ANAPC16: variants seen among roughly 807,000 people sequenced by gnomAD.
The protein encoded by ANAPC16 is anaphase-promoting complex subunit 16.
In ANAPC16, 6 loss-of-function variants were observed where a neutral mutation model predicts 13.1. The observed-to-expected ratio is 0.46, with a 90% CI of 0.25 to 0.90. The LOEUF (loss-of-function observed/expected upper bound fraction) is 0.90, where lower values mean the gene tolerates loss of function less well. Among genes scored for constraint, ANAPC16 ranks in the 40% least tolerant of loss-of-function variants. ANAPC16 has a pLI of 0.18. For missense variants in ANAPC16, 113 were observed against 131.1 expected (o/e 0.86, Z 0.67); for synonymous variants, 55 against 51.3 (o/e 1.07, Z -0.31).
At chr10:72,229,995 AC>A (rs1482666158) in intron 2 of ANAPC16, among the ~76,000 whole-genome samples, 1 of 152,148 alleles carries the variant, frequency 6.6e-6, no homozygotes, top group African/African-American at 2.4e-5. Context: ...TTTTGACACT[AC>A]AGGAGCCAGC....
rs186347032 is a variant in ANAPC16 at position 72,224,099 on chromosome 10, A to C, written c.142+43A>C. 2.6e-4 allele frequency: 384 copies of C among 1,478,380 alleles called. 4 individuals carry two copies. In the East Asian group the frequency reaches 8.2e-3, roughly 31 times the overall value. 91.6% of individuals were successfully genotyped at this position (1,478,380 alleles called of 1,614,324 possible). A position where few individuals can be genotyped will look rare whatever the true frequency, so the allele number is the denominator to read the frequency against. Reference sequence around the variant, plus strand: ...TCTGAATAATTGGATTCAGATCTGCAATGCATATTAATTGTAAAGAAGCTA... The same window carrying C: ...TCTGAATAATTGGATTCAGATCTGCCATGCATATTAATTGTAAAGAAGCTA... On this transcript the variant is annotated intron_variant, in intron 2 of 3. Transcript: ENST00000299381.
chr10:72,229,058 G>A (rs904350676), intron 2 of ANAPC16, among the ~76,000 whole-genome samples: 21 of 151,806 alleles, frequency 1.4e-4, no homozygotes, highest in Admixed American at 3.9e-4. Flanking sequence ...AATAAAATAT[G>A]AGTTATAATT....
chr10:72,224,612 CAAAA>C (rs66526217), intron 2 of ANAPC16, among the ~76,000 whole-genome samples: 1 of 103,554 alleles, frequency 9.7e-6, no homozygotes, highest in South Asian at 3.2e-4. Flanking sequence ...GACTCTGTCT[CAAAA>C]AAAAAAAAAA....
At chr10:72,231,270 G>A (rs2133693852) in intron 3 of ANAPC16, among the ~76,000 whole-genome samples, 1 of 152,272 alleles carries the variant, frequency 6.6e-6, no homozygotes, top group Non-Finnish European at 1.5e-5. Context: ...GGGTGCAGTA[G>A]CTCATGCCTC....
At chr10:72,226,169 C>A (rs952550535) in intron 2 of ANAPC16, among the ~76,000 whole-genome samples, 3 of 151,508 alleles carry the variant, frequency 2.0e-5, no homozygotes, top group African/African-American at 7.3e-5. Flanking sequence ...GTGCCCACCA[C>A]CACACCTGGC....
intron 2 of ANAPC16, among the ~76,000 whole-genome samples, chr10:72,224,294 A>C (rs1159345258): frequency 6.6e-6 from 1 of 152,102 alleles, no homozygotes; most frequent in Non-Finnish European, 1.5e-5. Context: ...AGATCCAGAA[A>C]AGTTAAGTGA....
At chr10:72,225,057 G>T (rs1860076816) in intron 2 of ANAPC16, among the ~76,000 whole-genome samples, 1 of 152,136 alleles carries the variant, frequency 6.6e-6, no homozygotes, top group South Asian at 2.1e-4. Flanking sequence ...GCCAAGGCGG[G>T]TGGATCACCT....
chr10:72,218,168 ATATAT>A (rs1859719859), intron 1 of ANAPC16, among the ~76,000 whole-genome samples: 7 of 19,742 alleles, frequency 3.5e-4, no homozygotes, highest in African/African-American at 1.5e-3. Flanking sequence ...AAAAAAAAAT[ATATAT>A]ATATATATAT....
In ANAPC16 at chr10:72,235,074, C is replaced by G. The variant is rs575588477; in HGVS notation, c.*1958C>G. The G allele has an allele frequency of 6.6e-6, 1 of 152,210 alleles. No individual in the cohort carries two copies. Among genetic ancestry groups the G allele is most frequent in the East Asian group, 1.9e-4 (1 of 5,184 alleles). The allele number at this position is 152,210 out of a possible 1,614,324, so 9.4% of individuals were successfully genotyped here. A position where few individuals can be genotyped will look rare whatever the true frequency, so the allele number is the denominator to read the frequency against. On this transcript the variant is annotated 3_prime_UTR_variant, in exon 4 of 4. Coordinates refer to ENST00000299381, the MANE Select transcript of ANAPC16 (RefSeq NM_173473.4). The stretch of plus-strand genomic sequence containing the variant: ...GCTGAGGCATGAGAATCGCTTAAAC[C>G]CAGGAGGCGGAGGTTGCAGTGAGCT...
In ANAPC16 at chr10:72,218,195, T is replaced by A. The variant is rs1340890892; in HGVS notation, c.-28+2057T>A. Among the ~76,000 whole-genome samples the A allele has an allele frequency of 3.2e-3, 349 of 109,142 alleles. 55 individuals carry two copies. Among genetic ancestry groups the A allele is most frequent in the African/African-American group, 0.015 (332 of 21,676 alleles). 71.6% of individuals were successfully genotyped at this position (109,142 alleles called of 152,430 possible). A position where few individuals can be genotyped will look rare whatever the true frequency, so the allele number is the denominator to read the frequency against. Reference sequence around the variant, plus strand: ...ATATATATATATATATATATATATATATATATATATATATATATATATATG... The same window carrying A: ...ATATATATATATATATATATATATAAATATATATATATATATATATATATG... On this transcript the variant is annotated intron_variant, in intron 1 of 3. Coordinates refer to ENST00000299381, the MANE Select transcript of ANAPC16 (RefSeq NM_173473.4).
intron 2 of ANAPC16, among the ~76,000 whole-genome samples, chr10:72,226,168 A>G (rs1287975959): frequency 6.6e-6 from 1 of 151,140 alleles, no homozygotes; most frequent in Non-Finnish European, 1.5e-5. Flanking sequence ...GGTGCCCACC[A>G]CCACACCTGG....
chr10:72,230,506 G>T (rs1310268259), intron 3 of ANAPC16, 66 bp downstream of exon 3: 1 of 1,386,736 alleles, frequency 7.2e-7, no homozygotes, highest in East Asian at 2.3e-5. Context: ...ATGAGGCTGT[G>T]ACAAAAATCC....
chr10:72,233,183 T>G lies in ANAPC16; in HGVS notation c.*67T>G. ...GCCAGTGGGGGACTTTCTCACAGCT[T>G]ACATAGCCATCCAGAGATCCACAGC... is the stretch of plus-strand genomic sequence containing the variant. On this transcript the variant is annotated 3_prime_UTR_variant, in exon 4 of 4. Transcript: ENST00000299381. The G allele has an allele frequency of 1.6e-6, 2 of 1,221,982 alleles. No homozygotes were observed. The highest frequency in any genetic ancestry group is 2.4e-6 in the Non-Finnish European group (2 of 834,918). The allele number at this position is 1,221,982 out of a possible 1,614,324, so 75.7% of individuals were successfully genotyped here. A position where few individuals can be genotyped will look rare whatever the true frequency, so the allele number is the denominator to read the frequency against.
Position 72,233,173 on chromosome 10 carries a change from T to G in ANAPC16, c.*57T>G. 1 of 1,369,816 alleles carries G rather than the reference T, an allele frequency of 7.3e-7. No homozygotes were observed. Among genetic ancestry groups the G allele is most frequent in the South Asian group, 1.2e-5 (1 of 85,198 alleles). 84.9% of individuals were successfully genotyped at this position (1,369,816 alleles called of 1,614,324 possible). A position where few individuals can be genotyped will look rare whatever the true frequency, so the allele number is the denominator to read the frequency against. ...CAAGTGCAAAGCCAGTGGGGGACTTTCTCACAGCTTACATAGCCATCCAGA... is the reference window on the plus strand; with the variant it reads ...CAAGTGCAAAGCCAGTGGGGGACTTGCTCACAGCTTACATAGCCATCCAGA... On this transcript the variant is annotated 3_prime_UTR_variant, in exon 4 of 4. Coordinates refer to ENST00000299381, the MANE Select transcript of ANAPC16 (RefSeq NM_173473.4).
At chr10:72,216,423 T>C (rs1859337751) in intron 1 of ANAPC16, 1 of 208,432 alleles carries the variant, frequency 4.8e-6, no homozygotes. Context: ...CCGCTGGTGT[T>C]CTGAGCGCTC....
chr10:72,229,136 ACT>A (rs1860215127), intron 2 of ANAPC16, among the ~76,000 whole-genome samples: 1 of 151,964 alleles, frequency 6.6e-6, no homozygotes, highest in African/African-American at 2.4e-5. Context: ...TTTTTTTGAG[ACT>A]GAGTTTGAAT....
rs753721289 is a variant in ANAPC16, at chr10:72,235,752, C to T, written c.*2636C>T. On this transcript the variant is annotated 3_prime_UTR_variant, in exon 4 of 4. Coordinates refer to ENST00000299381, the MANE Select transcript of ANAPC16 (RefSeq NM_173473.4). ...TAGGCACTGTGTTACATCATCTTTA[C>T]GCTTTGGTATTTGAACTTATTACAG... 3 of 152,254 alleles carry T rather than the reference C, an allele frequency of 2.0e-5. No homozygotes were observed. The highest frequency in any genetic ancestry group is 3.9e-4 in the East Asian group (2 of 5,182). 9.4% of individuals were successfully genotyped at this position (152,254 alleles called of 1,614,324 possible). A position where few individuals can be genotyped will look rare whatever the true frequency, so the allele number is the denominator to read the frequency against.
At chr10:72,232,340 T>C (rs936396884) in intron 3 of ANAPC16, among the ~76,000 whole-genome samples, 55 of 150,212 alleles carry the variant, frequency 3.7e-4, no homozygotes, top group Non-Finnish European at 7.4e-4. Flanking sequence ...AGGTCAGGAG[T>C]TCGAGACTAG....
intron 2 of ANAPC16, among the ~76,000 whole-genome samples, chr10:72,224,570 G>A (rs990798035): frequency 6.7e-6 from 1 of 149,590 alleles, no homozygotes; most frequent in African/African-American, 2.5e-5. Flanking sequence ...CCGAGATCTC[G>A]CCACTGCACT....
Sources: allele counts gnomAD v4.1 joint callset (sites outside exome capture counted in the v4.1 genomes callset), GRCh38; gene constraint gnomAD v4.1.1; transcripts MANE v1.5; gene names NCBI Gene and HGNC (gene_info 2026-07-23, HGNC 2026-07-21).